The following TMEM63A variants were observed in gnomAD, a reference collection of about 807,000 sequenced individuals.
TMEM63A encodes the protein transmembrane protein 63A.
Under a neutral mutation model 100.6 loss-of-function variants are expected in TMEM63A, and 76 were observed. The observed-to-expected ratio is 0.76, with a 90% confidence interval of 0.63 to 0.91. The LOEUF is 0.91. Among genes scored for constraint, TMEM63A ranks in the 40% least tolerant of loss-of-function variants. The pLI is 0.00. For missense variants in TMEM63A, 876 were observed against 1,008.8 expected (o/e 0.87, Z 1.78); for synonymous variants, 401 against 401.1 (o/e 1.00, Z 0.00).
At chr1:225,858,545 G>C (rs943213589) in intron 15 of TMEM63A, among the ~76,000 whole-genome samples, 3 of 151,984 alleles carry the variant, frequency 2.0e-5, no homozygotes, top group Non-Finnish European at 4.4e-5. Context: ...GGCTAGTCTC[G>C]AACTCCTGAC....
At chr1:225,858,395 G>A (rs181783551) in intron 15 of TMEM63A, among the ~76,000 whole-genome samples, 1 of 145,970 alleles carries the variant, frequency 6.9e-6, no homozygotes, top group Admixed American at 7.1e-5. Context: ...GTGCAATCTC[G>A]GCTTACTGCA....
rs1669043384 is a variant in TMEM63A, at chr1:225,847,106, A to G, written c.2358T>C (p.Thr786=). 2 of 1,613,784 alleles carry G rather than the reference A, an allele frequency of 1.2e-6. No homozygotes were observed. The highest frequency in any genetic ancestry group is 1.7e-6 in the Non-Finnish European group (2 of 1,180,042). Residue 786 remains threonine (T), a synonymous_variant, in exon 24 of 25, where the codon ACT becomes ACC. Transcript: ENST00000366835. ...TYGAIHNISG[T]IPGQCLAQSA... ...TCTGCGCCAAGCACTGTCCAGGGATAGTCCCGCTGATGTTGTGGATGGCAC... is the reference window on the plus strand; with the variant it reads ...TCTGCGCCAAGCACTGTCCAGGGATGGTCCCGCTGATGTTGTGGATGGCAC...
At position 225,856,227 on chromosome 1, in the gene TMEM63A, C is replaced by T. The variant is rs566316664; in HGVS notation, c.1572-287G>A. Among the ~76,000 whole-genome samples, 15 of 151,724 alleles carry T rather than the reference C, an allele frequency of 9.9e-5. No individual in the cohort carries two copies. The East Asian group carries it at 2.9e-3, about 30-fold the overall frequency. ...ATGGGGTTTCGCCAGACTGCCCAGG[C>T]TGGAACTCCTGGGCTCAAGCAATCT... On this transcript the variant is annotated intron_variant, in intron 17 of 24. Coordinates refer to ENST00000366835, the MANE Select transcript of TMEM63A (RefSeq NM_014698.3).
rs12077565 is a variant in TMEM63A, at chr1:225,853,600, G to A, written c.1797+29C>T. 10,484 of 1,514,654 alleles carry A rather than the reference G, an allele frequency of 6.9e-3. 606 individuals are homozygous for A. The African/African-American group carries it at 0.13, about 19-fold the overall frequency. 93.8% of individuals were successfully genotyped at this position (1,514,654 alleles called of 1,614,324 possible). ...AAGGGGGACATGGGAGGGAGTCAGA[G>A]GCACAGCCCTGGGCCCAGGGGATGG... On this transcript the variant is annotated intron_variant, in intron 19 of 24. Coordinates refer to ENST00000366835, the MANE Select transcript of TMEM63A (RefSeq NM_014698.3). The surrounding 1 kb of genome is among the most constrained non-coding windows in gnomAD (Gnocchi z 4.0).
In TMEM63A at chr1:225,867,925, A is replaced by C; in HGVS notation, c.477T>G (p.Cys159Trp). 1 of 1,614,208 alleles carries C rather than the reference A, an allele frequency of 6.2e-7. No individual in the cohort carries two copies. Among genetic ancestry groups the C allele is most frequent in the Non-Finnish European group, 8.5e-7 (1 of 1,180,040 alleles). ...LLVVVSFLSL[C>W]VILPVNLSGD... ...CTGAGAGGTTGACAGGCAGGATGAC[A>C]CACAGGGACAAAAAGCTGACCACCA... The change falls in exon 7 of 25, where the codon TGT (cysteine) becomes TGG (tryptophan). Residue 159 changes from cysteine (C) to tryptophan (W), a missense_variant. Physicochemically the swap from Cys to Trp is radical, Grantham distance 215. This residue lies in a region of TMEM63A where 487 missense variants were observed against 581.9 expected (regional missense o/e 0.84). Coordinates refer to ENST00000366835, the MANE Select transcript of TMEM63A (RefSeq NM_014698.3). The surrounding 1 kb of genome is among the most constrained non-coding windows in gnomAD (Gnocchi z 4.6).
At position 225,878,885 on chromosome 1, in the gene TMEM63A, T is replaced by TACACACACACAC. The variant is rs55792328; in HGVS notation, c.-15+323_-15+334dup. 4.0e-4 allele frequency among the ~76,000 whole-genome samples: 56 copies of TACACACACACAC among 139,592 alleles called. 1 individual carries two copies. Among genetic ancestry groups the TACACACACACAC allele is most frequent in the East Asian group, 1.3e-3 (6 of 4,614 alleles). 91.6% of individuals were successfully genotyped at this position (139,592 alleles called of 152,430 possible). ...ACACCTACCTACCTACCTACCTACCTACACACACACACACACACACACACA... is the reference window on the plus strand; with the variant it reads ...ACACCTACCTACCTACCTACCTACCTACACACACACACACACACACACACACACACACACACA... On this transcript the variant is annotated intron_variant, in intron 2 of 24. Coordinates refer to ENST00000366835, the MANE Select transcript of TMEM63A (RefSeq NM_014698.3).
At chr1:225,849,049 G>C (rs1669182354) in intron 21 of TMEM63A, 37 bp from the exon 22 acceptor site, 1 of 1,346,050 alleles carries the variant, frequency 7.4e-7, no homozygotes, top group African/African-American at 1.4e-5. Flanking sequence ...GGGTGGGCAG[G>C]GAGGGGCCAC....
downstream of TMEM63A, chr1:225,842,481 C>A (rs780676081): frequency 6.3e-7 from 1 of 1,591,634 alleles, no homozygotes. Flanking sequence ...AAAGGTGAGG[C>A]CCTGGTTTGC....
chr1:225,848,499 G>A lies in TMEM63A; in HGVS notation c.2243C>T (p.Pro748Leu), dbSNP rs761660004. ...CTGAGGGGCACAGCTTACTGTGAAC[G>A]GTGGGGGCATGTGGGCCTCTGCCTC... ...GSEAEAHMPP[P>L]FTPYVPRILN... The change falls in exon 23 of 25, where the codon CCG becomes CTG. Residue 748 changes from proline to leucine, a missense_variant. Pro to Leu is a moderately conservative substitution (Grantham distance 98, BLOSUM62 -3). Coordinates refer to ENST00000366835, the MANE Select transcript of TMEM63A (RefSeq NM_014698.3). The A allele has an allele frequency of 1.6e-5, 26 of 1,614,128 alleles. No homozygotes were observed. The highest frequency in any genetic ancestry group is 9.9e-5 in the South Asian group (9 of 91,086).
chr1:225,873,110 T>G (rs1670600998), intron 4 of TMEM63A, among the ~76,000 whole-genome samples: 1 of 152,146 alleles, frequency 6.6e-6, no homozygotes, highest in African/African-American at 2.4e-5. Context: ...CTTTTGACCT[T>G]CACCGTGACC....
intron 1 of TMEM63A, among the ~76,000 whole-genome samples, chr1:225,880,120 T>A (rs1671017405): frequency 6.6e-6 from 1 of 152,130 alleles, no homozygotes; most frequent in Admixed American, 6.5e-5. Flanking sequence ...AAGTTTGATA[T>A]GAACTCAGGG....
At position 225,853,878 on chromosome 1, in the gene TMEM63A, C is replaced by A. The variant is rs1490405510; in HGVS notation, c.1635-87G>T. 1 of 1,348,100 alleles carries A rather than the reference C, an allele frequency of 7.4e-7. No individual in the cohort carries two copies. The highest frequency in any genetic ancestry group is 9.9e-7 in the Non-Finnish European group (1 of 1,005,694). 83.5% of individuals were successfully genotyped at this position (1,348,100 alleles called of 1,614,324 possible). A position where few individuals can be genotyped will look rare whatever the true frequency, so the allele number is the denominator to read the frequency against. ...CCCTAGGCTGGGCAGGAGCAGAAAGCCCCTGGGAGGGCTGTATACTCTTCC... is the reference window on the plus strand; with the variant it reads ...CCCTAGGCTGGGCAGGAGCAGAAAGACCCTGGGAGGGCTGTATACTCTTCC... On this transcript the variant is annotated intron_variant, in intron 18 of 24. Transcript: ENST00000366835. The surrounding 1 kb of genome is among the most constrained non-coding windows in gnomAD (Gnocchi z 4.0).
intron 20 of TMEM63A, 100 bp downstream of exon 20, chr1:225,852,564 G>A (rs1283524904): frequency 1.8e-6 from 2 of 1,094,726 alleles, no homozygotes; most frequent in Non-Finnish European, 2.7e-6. Context: ...GTGGTTTTGG[G>A]AACTCCATTG....
intron 1 of TMEM63A, among the ~76,000 whole-genome samples, chr1:225,880,927 G>T (rs1351554026): frequency 6.6e-6 from 1 of 152,224 alleles, no homozygotes; most frequent in African/African-American, 2.4e-5. Context: ...GTTCTTGCAA[G>T]AAGGCCCGTA....
At chr1:225,857,375 CCGG>C (rs1412367622) in intron 15 of TMEM63A, among the ~76,000 whole-genome samples, 128 of 3,582 alleles carry the variant, frequency 0.036, 1 homozygote, top group African/African-American at 0.071. Context: ...GGAGTCCTGG[CCGG>C]CGGGGCGGGG....
In TMEM63A at chr1:225,848,533, T is replaced by A. The variant is rs778314352; in HGVS notation, c.2209A>T (p.Lys737Ter). The A allele has an allele frequency of 6.2e-7, 1 of 1,614,124 alleles. No homozygotes were observed. Among genetic ancestry groups the A allele is most frequent in the Non-Finnish European group, 8.5e-7 (1 of 1,180,032 alleles). Residue 737 changes from lysine (K) to a stop codon, truncating the protein, a stop_gained, in exon 23 of 25, where the codon AAA (lysine) becomes TAA (stop). Transcript: ENST00000366835. LOFTEE classifies it high-confidence loss of function. ...NYKTEEPASD[K>*]GSEAEAHMPP... ...ATGTGGGCCTCTGCCTCACTTCCTT[T>A]GTCACTTGCAGGCTCTTCTGTCTGC...
downstream of TMEM63A, chr1:225,844,454 T>C: frequency 1.3e-6 from 2 of 1,490,010 alleles, no homozygotes; most frequent in Non-Finnish European, 1.9e-6. Context: ...GTCACACAAC[T>C]GCATGTGGCA....
Position 225,856,952 on chromosome 1 carries a change from G to A in TMEM63A, c.1443C>T (p.Ser481=). 6.2e-7 allele frequency: 1 copy of A among 1,604,430 alleles called. No individual in the cohort carries two copies. Among genetic ancestry groups the A allele is most frequent in the African/African-American group, 1.3e-5 (1 of 74,410 alleles). ...LLWSFSALLP[S]IVYYSTLLES... ...CCAGCAGTGTAGAGTAGTAGACAAT[G>A]GAGGGGAGCAGGGCCGAGAAGGACC... The change falls in exon 16 of 25, where the codon TCC becomes TCT. Residue 481 remains serine, a synonymous_variant. Coordinates refer to ENST00000366835, the MANE Select transcript of TMEM63A (RefSeq NM_014698.3).
downstream of TMEM63A, chr1:225,845,018 C>A: frequency 9.6e-7 from 1 of 1,045,786 alleles, no homozygotes; most frequent in Non-Finnish European, 1.5e-6. Context: ...CTGGATTTGT[C>A]CTTTTCTTTA....
Sources: gnomAD v4.1 joint callset for allele counts (sites outside exome capture counted in the v4.1 genomes callset) on GRCh38, gnomAD v4.1.1 for gene constraint, gnomAD v4.1.1 regional missense constraint, Gnocchi (gnomAD v3.1) non-coding constraint, MANE v1.5 for transcripts, NCBI Gene and HGNC (gene_info 2026-07-23, HGNC 2026-07-21) for gene names.